The following C6orf52 variants were observed in gnomAD, a reference collection of about 807,000 sequenced individuals.
C6orf52 encodes putative uncharacterized protein C6orf52.
A neutral mutation model predicts 16.6 loss-of-function variants in C6orf52; 16 were observed. The ratio of observed to expected loss-of-function variants is 0.96; its 90% CI spans 0.65 to 1.46. The LOEUF is 1.46. Among genes scored for constraint, C6orf52 ranks in the 40% most tolerant of loss-of-function variants. C6orf52 has a pLI of 0.00. For synonymous variants in C6orf52, 53 were observed against 61.4 expected (o/e 0.86, Z 0.64); for missense variants, 166 against 182.3 (o/e 0.91, Z 0.52).
chr6:10,676,640 G>A (rs1252427326), intron 4 of C6orf52, among the ~76,000 whole-genome samples: 1 of 152,180 alleles, frequency 6.6e-6, no homozygotes, highest in African/African-American at 2.4e-5. Context: ...ACCAGCCTTC[G>A]CCTGGCATCA....
intron 1 of C6orf52, among the ~76,000 whole-genome samples, chr6:10,694,037 A>C (rs1303049775): frequency 1.3e-5 from 2 of 152,156 alleles, no homozygotes; most frequent in Non-Finnish European, 2.9e-5. Context: ...AGGCAAGCGG[A>C]TCACCTGCGG....
chr6:10,684,938 G>T (rs1768734024), intron 3 of C6orf52: 2 of 1,253,214 alleles, frequency 1.6e-6, no homozygotes, highest in Non-Finnish European at 2.1e-6. Flanking sequence ...AGCCACAAAA[G>T]ATAACATATT....
chr6:10,686,891 GT>G, intron 3 of C6orf52, 74 bp downstream of exon 3: 1 of 1,095,296 alleles, frequency 9.1e-7, no homozygotes, highest in Non-Finnish European at 1.3e-6. Flanking sequence ...GGACACAGAT[GT>G]GTGAAGATAG....
chr6:10,692,842 G>A (rs773823274), intron 1 of C6orf52, among the ~76,000 whole-genome samples: 1 of 152,186 alleles, frequency 6.6e-6, no homozygotes, highest in African/African-American at 2.4e-5. Context: ...TTTTGGAAGA[G>A]TGAATGAATA....
At chr6:10,675,651 C>G (rs1479651908) in intron 4 of C6orf52, among the ~76,000 whole-genome samples, 1 of 152,200 alleles carries the variant, frequency 6.6e-6, no homozygotes, top group Non-Finnish European at 1.5e-5. Flanking sequence ...CAACAGTATG[C>G]AAGGGCTCTT....
intron 4 of C6orf52, among the ~76,000 whole-genome samples, chr6:10,679,343 G>A (rs1359826658): frequency 6.6e-6 from 1 of 151,278 alleles, no homozygotes; most frequent in Non-Finnish European, 1.5e-5. Flanking sequence ...AAGAGGCTAA[G>A]GCAGAAGAAT....
At position 10,694,588 on chromosome 6, in the gene C6orf52, TACAGCCCCTAAGC is replaced by T; in HGVS notation, c.-119_-107del. The stretch of plus-strand genomic sequence containing the variant: ...CCACAACAATGCACGCTGCCGGCGC[TACAGCCCCTAAGC>T]AACCGGCCGGAAGTCGGCCCCACCT... On this transcript the variant is annotated 5_prime_UTR_variant, in exon 1 of 5. Coordinates refer to ENST00000259983, the MANE Select transcript of C6orf52 (RefSeq NM_001145020.3). 2 of 176,920 alleles carry T rather than the reference TACAGCCCCTAAGC, an allele frequency of 1.1e-5. No homozygotes were observed. Among genetic ancestry groups the T allele is most frequent in the Non-Finnish European group, 2.5e-5 (2 of 81,216 alleles). 11.0% of individuals were successfully genotyped at this position (176,920 alleles called of 1,614,324 possible). A position where few individuals can be genotyped will look rare whatever the true frequency, so the allele number is the denominator to read the frequency against.
intron 2 of C6orf52, 117 bp downstream of exon 2, chr6:10,687,363 G>C: frequency 6.9e-6 from 6 of 866,498 alleles, no homozygotes; most frequent in Non-Finnish European, 1.1e-5. Flanking sequence ...TGCACGTTCT[G>C]CACATGTACC....
chr6:10,683,883 C>A (rs944520432), intron 3 of C6orf52, among the ~76,000 whole-genome samples: 4 of 152,258 alleles, frequency 2.6e-5, no homozygotes, highest in African/African-American at 7.2e-5. Context: ...TCTATGTAGA[C>A]CTGTTGGGAA....
At chr6:10,687,706 A>T in intron 1 of C6orf52, 145 bp from the exon 2 acceptor site, 6 of 605,094 alleles carry the variant, frequency 9.9e-6, no homozygotes, top group East Asian at 3.0e-5. Flanking sequence ...TAGGCAATTA[A>T]TTGCTTGACT....
upstream of C6orf52, chr6:10,694,630 C>A: frequency 1.0e-5 from 2 of 199,040 alleles, no homozygotes; most frequent in South Asian, 8.1e-5. Context: ...CCCACCTCCT[C>A]CTGATGTCAC....
chr6:10,672,466 G>T, intron 4 of C6orf52: 1 of 621,064 alleles, frequency 1.6e-6, no homozygotes, highest in Non-Finnish European at 2.9e-6. Context: ...GGTTAGATGA[G>T]GTCATAAGAG....
In C6orf52 at chr6:10,694,607, GC is replaced by G; in HGVS notation, c.-126del. The stretch of plus-strand genomic sequence containing the variant: ...CGGCGCTACAGCCCCTAAGCAACCG[GC>G]CGGAAGTCGGCCCCACCTCCTCCTG... On this transcript the variant is annotated 5_prime_UTR_variant, in exon 1 of 5. Coordinates refer to ENST00000259983, the MANE Select transcript of C6orf52 (RefSeq NM_001145020.3). The G allele has an allele frequency of 2.0e-5, 4 of 197,400 alleles. No individual in the cohort carries two copies. Among genetic ancestry groups the G allele is most frequent in the South Asian group, 1.5e-4 (2 of 13,750 alleles). The allele number at this position is 197,400 out of a possible 1,614,324, so 12.2% of individuals were successfully genotyped here. A position where few individuals can be genotyped will look rare whatever the true frequency, so the allele number is the denominator to read the frequency against.
chr6:10,688,808 TTTTTTGTTTTGTTTTG>T (rs1561880899), intron 1 of C6orf52, among the ~76,000 whole-genome samples: 1 of 151,968 alleles, frequency 6.6e-6, no homozygotes, highest in Non-Finnish European at 1.5e-5. Context: ...AGTTTTGGGG[TTTTTTGTTTTGTTTTG>T]TTTTTGAGAT....
intron 4 of C6orf52, among the ~76,000 whole-genome samples, chr6:10,675,247 G>A (rs967152206): frequency 1.3e-5 from 2 of 152,098 alleles, no homozygotes; most frequent in African/African-American, 4.8e-5. Flanking sequence ...TATGAAATAA[G>A]CTTTTTAAGA....
chr6:10,679,568 T>TAA (rs1005395904), intron 4 of C6orf52, among the ~76,000 whole-genome samples: 6 of 120,432 alleles, frequency 5.0e-5, no homozygotes, highest in African/African-American at 1.0e-4. Flanking sequence ...TCTAACTTGT[T>TAA]AAAAAAAAAA....
chr6:10,692,585 C>T (rs1400733213), intron 1 of C6orf52, among the ~76,000 whole-genome samples: 2 of 152,040 alleles, frequency 1.3e-5, no homozygotes, highest in East Asian at 3.9e-4. Context: ...GGACTATAGG[C>T]GCCCACCACC....
chr6:10,684,184 G>A (rs1472753202), intron 3 of C6orf52, among the ~76,000 whole-genome samples: 3 of 152,216 alleles, frequency 2.0e-5, no homozygotes, highest in African/African-American at 7.2e-5. Context: ...GCATGCAGCC[G>A]GTAGTCTCAG....
intron 3 of C6orf52, among the ~76,000 whole-genome samples, chr6:10,683,689 C>G (rs556815729): frequency 6.6e-6 from 1 of 152,188 alleles, no homozygotes; most frequent in Non-Finnish European, 1.5e-5. Context: ...TCCTCAAACC[C>G]GTGACTCAGC....
Sources: allele counts gnomAD v4.1 joint callset (sites outside exome capture counted in the v4.1 genomes callset), GRCh38; gene constraint gnomAD v4.1.1; transcripts MANE v1.5; gene names NCBI Gene and HGNC (gene_info 2026-07-23, HGNC 2026-07-21).